Variants in NTRK3 observed in about 807,000 individuals in gnomAD.
The protein encoded by NTRK3 is NT-3 growth factor receptor.
NTRK3 carries 24 observed loss-of-function variants against 91.7 expected under a neutral mutation model. The observed-to-expected ratio is 0.26, with a 90% CI of 0.19 to 0.37. The LOEUF is 0.37. Among genes scored for constraint, NTRK3 ranks in the 10% least tolerant of loss-of-function variants. NTRK3 has a pLI of 1.00. For synonymous variants in NTRK3, 483 were observed against 404.0 expected, an observed-to-expected ratio of 1.20 and a Z score of -2.34; for missense variants, 880 against 1,068.9, an observed-to-expected ratio of 0.82 and a Z score of 2.46.
In NTRK3 at chr15:88,127,084, G is replaced by C. The variant is rs1026886798; in HGVS notation, c.1293+78C>G. 2.4e-6 allele frequency: 3 copies of C among 1,270,202 alleles called. No individual in the cohort carries two copies. The African/African-American group carries it at 4.4e-5, about 19-fold the overall frequency. The allele number at this position is 1,270,202 out of a possible 1,614,324, so 78.7% of individuals were successfully genotyped here. A position where few individuals can be genotyped will look rare whatever the true frequency, so the allele number is the denominator to read the frequency against. ...AAAGTTTCAAGTAAGATAATATTTGGAAAAGTTAGCAACACAAATGAAGTC... is the reference window on the plus strand; with the variant it reads ...AAAGTTTCAAGTAAGATAATATTTGCAAAAGTTAGCAACACAAATGAAGTC... On this transcript the variant is annotated intron_variant, in intron 12 of 18. Coordinates refer to ENST00000394480, the Ensembl canonical transcript of NTRK3.
At chr15:88,154,279 T>G (rs2043679126) in intron 5 of NTRK3, among the ~76,000 whole-genome samples, 1 of 152,092 alleles carries the variant, frequency 6.6e-6, no homozygotes, top group African/African-American at 2.4e-5. Context: ...CCAAAGGAGC[T>G]GTTAGGGGGC....
intron 13 of NTRK3, among the ~76,000 whole-genome samples, chr15:88,093,353 A>G (rs2049223025): frequency 2.0e-5 from 3 of 152,314 alleles, no homozygotes; most frequent in Non-Finnish European, 1.5e-5. Flanking sequence ...TATAACCACC[A>G]GTTTCAATCT....
intron 5 of NTRK3, among the ~76,000 whole-genome samples, chr15:88,169,048 G>A (rs1030336949): frequency 1.3e-5 from 2 of 152,204 alleles, no homozygotes; most frequent in Admixed American, 6.5e-5. Context: ...AGCTAGAGGT[G>A]GCATGGCACA....
intron 3 of NTRK3, among the ~76,000 whole-genome samples, chr15:88,186,447 C>T (rs568290406): frequency 4.6e-5 from 7 of 152,152 alleles, no homozygotes; most frequent in Admixed American, 1.3e-4. Flanking sequence ...AAGAGTCCTC[C>T]GGTAAGTAGA....
At chr15:88,102,589 A>T (rs932592896) in intron 13 of NTRK3, among the ~76,000 whole-genome samples, 1 of 152,206 alleles carries the variant, frequency 6.6e-6, no homozygotes, top group Admixed American at 6.5e-5. Flanking sequence ...ATTACATATT[A>T]CGTGCTTGTA....
At chr15:88,172,382 A>C (rs1027330223) in intron 5 of NTRK3, among the ~76,000 whole-genome samples, 5 of 152,234 alleles carry the variant, frequency 3.3e-5, no homozygotes, top group Non-Finnish European at 7.3e-5. Flanking sequence ...GGAGGTAATG[A>C]AGCCTTAGGG....
chr15:88,017,743 G>C (rs934310041), intron 14 of NTRK3, among the ~76,000 whole-genome samples: 2 of 152,126 alleles, frequency 1.3e-5, no homozygotes, highest in Non-Finnish European at 2.9e-5. Flanking sequence ...TCCCTGTGTT[G>C]ATGTCTCTGT....
chr15:87,997,607 C>G (rs148264092), intron 14 of NTRK3, among the ~76,000 whole-genome samples: 52 of 152,180 alleles, frequency 3.4e-4, no homozygotes, highest in African/African-American at 1.1e-3. Context: ...TACTCTTATT[C>G]TAAAAATCTC....
chr15:88,112,115 C>A (rs1309005680), intron 13 of NTRK3, among the ~76,000 whole-genome samples: 1 of 152,076 alleles, frequency 6.6e-6, no homozygotes, highest in Non-Finnish European at 1.5e-5. Flanking sequence ...ACAATGTTAG[C>A]CAGGATGGTC....
chr15:88,240,571 A>G lies in NTRK3; in HGVS notation c.248+15335T>C, dbSNP rs2141878052. 6.6e-6 allele frequency among the ~76,000 whole-genome samples: 1 copy of G among 152,256 alleles called. No homozygotes were observed. The highest frequency in any genetic ancestry group is 1.9e-4 in the East Asian group (1 of 5,168). On this transcript the variant is annotated intron_variant, in intron 3 of 18. Transcript: ENST00000394480. This position sits in a 1 kb window ranked among gnomAD's most constrained non-coding sequence, Gnocchi z 4.9. ...GAGGCTGGGGCTGGCAGGAAATGGAAAGGGGTCTGTAATACAGGGCTGCCC... is the reference window on the plus strand; with the variant it reads ...GAGGCTGGGGCTGGCAGGAAATGGAGAGGGGTCTGTAATACAGGGCTGCCC...
intron 17 of NTRK3, among the ~76,000 whole-genome samples, chr15:87,912,073 A>G (rs1000421385): frequency 6.6e-6 from 1 of 152,206 alleles, no homozygotes; most frequent in Non-Finnish European, 1.5e-5. Flanking sequence ...GTTTCACTGA[A>G]TCTGTGTTAC....
rs146459582 is a variant in NTRK3, at chr15:87,868,536, G to A, written c.*8399C>T. Reference sequence around the variant, plus strand: ...ATTGTTATCCAGACTTCAGGGTAACGTATTCTAAAACCCTGAGGTAAGTTT... The same window carrying A: ...ATTGTTATCCAGACTTCAGGGTAACATATTCTAAAACCCTGAGGTAAGTTT... On this transcript the variant is annotated 3_prime_UTR_variant, in exon 19 of 19. Coordinates refer to ENST00000394480, the Ensembl canonical transcript of NTRK3. 70 of 219,980 alleles carry A rather than the reference G, an allele frequency of 3.2e-4. 1 individual carries two copies. The South Asian group carries it at 4.8e-3, about 15-fold the overall frequency. 13.6% of individuals were successfully genotyped at this position (219,980 alleles called of 1,614,324 possible).
chr15:88,183,999 C>A (rs1300191447), intron 4 of NTRK3, among the ~76,000 whole-genome samples: 1 of 152,204 alleles, frequency 6.6e-6, no homozygotes, highest in Admixed American at 6.5e-5. Context: ...ATTCACACAA[C>A]CCCCTTGCCT....
rs2076864 is a variant in NTRK3, at chr15:88,241,651, G to A, written c.248+14255C>T. On this transcript the variant is annotated intron_variant, in intron 3 of 18. Transcript: ENST00000394480. This position sits in a 1 kb window ranked among gnomAD's most constrained non-coding sequence, Gnocchi z 4.3. ...CAGCTGGGTGCTGGGAGCAGGAAGC[G>A]GGGCTACCCTTCAATACCACGTGGA... Among the ~76,000 whole-genome samples, 123,881 of 151,962 alleles carry A rather than the reference G, an allele frequency of 0.82. 51,286 individuals carry two copies. Among genetic ancestry groups the A allele is most frequent in the East Asian group, 0.97 (5,001 of 5,138 alleles).
chr15:88,050,849 GACC>G (rs1318980945), intron 13 of NTRK3, among the ~76,000 whole-genome samples: 1 of 152,006 alleles, frequency 6.6e-6, no homozygotes, highest in Non-Finnish European at 1.5e-5. Context: ...TCCAATCCAA[GACC>G]ATGTAATCCA....
chr15:88,253,379 G>C (rs565757561), intron 3 of NTRK3: 1 of 152,232 alleles, frequency 6.6e-6, no homozygotes, highest in Non-Finnish European at 1.5e-5. Context: ...ACACAGTGGG[G>C]GTTCCTGTTG....
At chr15:87,911,797 G>T (rs2067102060) in intron 17 of NTRK3, among the ~76,000 whole-genome samples, 1 of 152,144 alleles carries the variant, frequency 6.6e-6, no homozygotes, top group Non-Finnish European at 1.5e-5. Flanking sequence ...GTCATTTAAT[G>T]AACATTTATG....
chr15:88,169,874 G>A (rs1281041876), intron 5 of NTRK3, among the ~76,000 whole-genome samples: 2 of 152,124 alleles, frequency 1.3e-5, no homozygotes, highest in Non-Finnish European at 1.5e-5. Context: ...AGGTGGCCTG[G>A]AAGCCTTCCT....
chr15:88,069,651 G>A (rs192379758), intron 13 of NTRK3, among the ~76,000 whole-genome samples: 2 of 152,298 alleles, frequency 1.3e-5, no homozygotes, highest in Admixed American at 6.5e-5. Context: ...TAACAGGGCT[G>A]GAGGCAGATG....
Sources: gnomAD v4.1 joint callset for allele counts (sites outside exome capture counted in the v4.1 genomes callset) on GRCh38, gnomAD v4.1.1 for gene constraint, Gnocchi (gnomAD v3.1) non-coding constraint, MANE v1.5 for transcripts, NCBI Gene and HGNC (gene_info 2026-07-23, HGNC 2026-07-21) for gene names.